DLG5: variants seen among roughly 807,000 people sequenced by gnomAD.
The protein encoded by DLG5 is discs large MAGUK scaffold protein 5.
Under a neutral mutation model 189.8 loss-of-function variants are expected in DLG5, and 48 were observed. That is an observed-to-expected ratio of 0.25 (90% CI 0.20 to 0.32). The LOEUF is 0.32. Ranked by LOEUF, DLG5 falls within the 10% of genes least tolerant of loss-of-function variation. The pLI is 1.00. For synonymous variants in DLG5, 1,016 were observed against 1,054.1 expected (o/e 0.96, Z 0.70); for missense variants, 2,160 against 2,544.7 (o/e 0.85, Z 3.25).
chr10:77,806,984 C>A, intron 25 of DLG5, 56 bp from the exon 26 acceptor site: 1 of 1,574,476 alleles, frequency 6.4e-7, no homozygotes, highest in South Asian at 1.1e-5. Context: ...CAAGGACGAA[C>A]CAGGTGCCTT....
intron 6 of DLG5, among the ~76,000 whole-genome samples, chr10:77,842,469 A>G (rs1843471012): frequency 6.6e-6 from 1 of 152,250 alleles, no homozygotes; most frequent in Admixed American, 6.5e-5. Flanking sequence ...TCCCACAGTC[A>G]AGCCACATTA....
At chr10:77,907,901 C>G (rs1157166491) in intron 1 of DLG5, among the ~76,000 whole-genome samples, 1 of 152,138 alleles carries the variant, frequency 6.6e-6, no homozygotes, top group Non-Finnish European at 1.5e-5. Flanking sequence ...TAAAAGGTTG[C>G]TGGTGAGATC....
chr10:77,826,445 G>A (rs1842644164), intron 13 of DLG5, among the ~76,000 whole-genome samples: 1 of 152,038 alleles, frequency 6.6e-6, no homozygotes, highest in East Asian at 1.9e-4. Context: ...GGGCAACATG[G>A]TGAAACCCCC....
intron 1 of DLG5, among the ~76,000 whole-genome samples, chr10:77,880,960 ACCT>A (rs1845260411): frequency 9.9e-6 from 1 of 101,396 alleles, no homozygotes; most frequent in Non-Finnish European, 2.0e-5. Flanking sequence ...CTAACCCTAG[ACCT>A]TTTTTTTTTT....
At chr10:77,919,396 C>T (rs576294773) in intron 1 of DLG5, among the ~76,000 whole-genome samples, 1 of 151,816 alleles carries the variant, frequency 6.6e-6, no homozygotes, top group African/African-American at 2.4e-5. Flanking sequence ...ATCACCCAAC[C>T]TCCTTGGACC....
chr10:77,882,836 C>G (rs1457146259), intron 1 of DLG5, among the ~76,000 whole-genome samples: 1 of 151,126 alleles, frequency 6.6e-6, no homozygotes, highest in Non-Finnish European at 1.5e-5. Flanking sequence ...GGCACGAGAA[C>G]CTGGGAAACA....
In DLG5 at chr10:77,807,917, T is replaced by C. The variant is rs759496278; in HGVS notation, c.4675A>G (p.Thr1559Ala). Residue 1559 changes from threonine to alanine, a missense_variant, in exon 25 of 32, where the codon ACA (threonine) becomes GCA (alanine). Thr to Ala is a moderately conservative substitution (Grantham distance 58). Around this residue, in one of 5 missense-constraint regions of DLG5, gnomAD observed 574 missense variants for 644.2 expected, o/e 0.89. Coordinates refer to ENST00000372391, the MANE Select transcript of DLG5 (RefSeq NM_004747.4). ...EYGSLDVRNKTVEEVYVEMLK... is the reference protein window; with the variant it reads ...EYGSLDVRNKAVEEVYVEMLK... ...ATCTCCACATAGACTTCCTCCACTGTCTTGTTCCGCACGTCCAGGCTGCCA... is the reference window on the plus strand; with the variant it reads ...ATCTCCACATAGACTTCCTCCACTGCCTTGTTCCGCACGTCCAGGCTGCCA... 1 of 1,614,220 alleles carries C rather than the reference T, an allele frequency of 6.2e-7. No individual in the cohort carries two copies. The highest frequency in any genetic ancestry group is 8.5e-7 in the Non-Finnish European group (1 of 1,180,040).
rs766461081 is a variant in DLG5, at chr10:77,821,067, G to A, written c.3402+15C>T. ...TCTAGGCCTCCCCTCCCCACACCCT[G>A]GGGCTCAGCTATACCTCCAGGAACT... On this transcript the variant is annotated intron_variant, in intron 15 of 31. Transcript: ENST00000372391. 6.3e-7 allele frequency: 1 copy of A among 1,590,180 alleles called. No individual in the cohort carries two copies. The highest frequency in any genetic ancestry group is 1.7e-5 in the Admixed American group (1 of 58,926).
intron 1 of DLG5, among the ~76,000 whole-genome samples, chr10:77,920,277 T>C (rs1021248767): frequency 1.3e-5 from 2 of 152,210 alleles, no homozygotes; most frequent in Admixed American, 6.5e-5. Context: ...AGTGTTTTAA[T>C]TACTTTGTAG....
intron 1 of DLG5, among the ~76,000 whole-genome samples, chr10:77,878,297 T>G (rs1845168353): frequency 6.6e-6 from 1 of 152,218 alleles, no homozygotes; most frequent in African/African-American, 2.4e-5. Context: ...TTCTGTGCAT[T>G]TCCTCATTTA....
intron 1 of DLG5, among the ~76,000 whole-genome samples, chr10:77,878,876 C>A (rs928129941): frequency 2.6e-5 from 4 of 152,218 alleles, no homozygotes; most frequent in African/African-American, 9.7e-5. Flanking sequence ...TACATACAGA[C>A]ATCAGTCAGT....
At chr10:77,914,672 G>A (rs1010404892) in intron 1 of DLG5, among the ~76,000 whole-genome samples, 1 of 151,728 alleles carries the variant, frequency 6.6e-6, no homozygotes, top group Non-Finnish European at 1.5e-5. Flanking sequence ...CTCCTCCCAG[G>A]AGTAACATAA....
chr10:77,812,478 G>A (rs772985193), intron 20 of DLG5, 101 bp from the exon 21 acceptor site: 107 of 1,385,226 alleles, frequency 7.7e-5, no homozygotes, highest in Non-Finnish European at 1.0e-4. Context: ...GTGCAGAAAG[G>A]GCCCCGAGCC....
chr10:77,934,842 C>CTTTTTTTTT, the DLG5 span, among the ~76,000 whole-genome samples: 9 of 145,030 alleles, frequency 6.2e-5, no homozygotes, highest in African/African-American at 2.4e-4. Context: ...GGGTGCTGTT[C>CTTTTTTTTT]TTTTTTTTTG....
intron 27 of DLG5, among the ~76,000 whole-genome samples, chr10:77,801,583 A>G (rs933568478): frequency 2.0e-5 from 3 of 152,364 alleles, no homozygotes; most frequent in Admixed American, 1.3e-4. Context: ...TACAGATGTA[A>G]AAAGTGCTAA....
At chr10:77,812,110 A>C in intron 21 of DLG5, 53 bp from the exon 22 acceptor site, 1 of 1,601,232 alleles carries the variant, frequency 6.2e-7, no homozygotes, top group Non-Finnish European at 8.5e-7. Flanking sequence ...GTGGACAGGG[A>C]GGAGGCCCTG....
At chr10:77,862,162 G>A (rs370023313) in intron 2 of DLG5, among the ~76,000 whole-genome samples, 1 of 152,104 alleles carries the variant, frequency 6.6e-6, no homozygotes, top group Non-Finnish European at 1.5e-5. Context: ...CCATCCAAAT[G>A]GTTGTCAGGA....
chr10:77,936,383 A>AGCC, the DLG5 span, among the ~76,000 whole-genome samples: 1 of 149,152 alleles, frequency 6.7e-6, no homozygotes, highest in Non-Finnish European at 1.5e-5. Context: ...GGTTGCAGTG[A>AGCC]GCCGAGATCA....
chr10:77,888,617 G>A (rs746140372), intron 1 of DLG5, among the ~76,000 whole-genome samples: 30 of 152,120 alleles, frequency 2.0e-4, no homozygotes, highest in Non-Finnish European at 2.5e-4. Context: ...CCATTCACTG[G>A]AGCCTCTTAA....
Sources: gnomAD v4.1 joint callset for allele counts (sites outside exome capture counted in the v4.1 genomes callset) on GRCh38, gnomAD v4.1.1 for gene constraint, gnomAD v4.1.1 regional missense constraint, MANE v1.5 for transcripts, NCBI Gene and HGNC (gene_info 2026-07-23, HGNC 2026-07-21) for gene names.